Variants in USP33 observed in about 807,000 individuals in gnomAD.
USP33 encodes the protein ubiquitin carboxyl-terminal hydrolase 33.
A neutral mutation model predicts 124.2 loss-of-function variants in USP33; 46 were observed. The ratio of observed to expected loss-of-function variants is 0.37; its 90% CI spans 0.29 to 0.47. The LOEUF (loss-of-function observed/expected upper bound fraction) is 0.47. USP33 is among the 20% of genes least tolerant of loss of function. USP33 has a pLI of 0.99. For missense variants in USP33, 851 were observed against 1,070.6 expected (o/e 0.79, Z 2.86); for synonymous variants, 350 against 352.3 (o/e 0.99, Z 0.07).
intron 21 of USP33, among the ~76,000 whole-genome samples, chr1:77,706,828 G>T (rs1260691717): frequency 6.6e-6 from 1 of 152,184 alleles, no homozygotes; most frequent in Non-Finnish European, 1.5e-5. Context: ...TCAGGTAAAG[G>T]AAATAAGAGA....
intron 7 of USP33, among the ~76,000 whole-genome samples, chr1:77,733,039 C>T (rs372361163): frequency 1.3e-5 from 2 of 151,774 alleles, no homozygotes; most frequent in Admixed American, 6.6e-5. Context: ...ATGATCCACC[C>T]GCCTCAGCCT....
intron 1 of USP33, among the ~76,000 whole-genome samples, chr1:77,746,882 AAAT>A (rs1239272658): frequency 6.6e-6 from 1 of 152,224 alleles, no homozygotes; most frequent in Non-Finnish European, 1.5e-5. Context: ...ACATATCTCA[AAAT>A]AATAAGAGCT....
intron 17 of USP33, 142 bp from the exon 18 acceptor site, chr1:77,716,010 G>A (rs1326466424): frequency 1.1e-5 from 9 of 850,588 alleles, no homozygotes; most frequent in Admixed American, 6.4e-5. Context: ...CAGTTTGCAC[G>A]CTTGCCACCA....
At chr1:77,720,467 A>G in intron 15 of USP33, 1 of 985,428 alleles carries the variant, frequency 1.0e-6, no homozygotes, top group Non-Finnish European at 1.2e-6. Context: ...TATCAACCAA[A>G]TAGTATACCA....
chr1:77,700,176 T>C (rs1024323013), intron 22 of USP33, among the ~76,000 whole-genome samples: 1 of 152,182 alleles, frequency 6.6e-6, no homozygotes, highest in Non-Finnish European at 1.5e-5. Flanking sequence ...AACCTGCACA[T>C]CCTGCACATG....
intron 7 of USP33, among the ~76,000 whole-genome samples, chr1:77,732,789 CTTTTT>C (rs939934675): frequency 1.9e-5 from 2 of 104,892 alleles, no homozygotes; most frequent in South Asian, 3.0e-4. Flanking sequence ...AATGTCTCTT[CTTTTT>C]TTTTTTTTTT....
At chr1:77,759,347 C>T (rs1681108500) in intron 1 of USP33, 4 of 369,274 alleles carry the variant, frequency 1.1e-5, no homozygotes, top group Non-Finnish European at 1.9e-5. Flanking sequence ...CTCGGGCTCA[C>T]CTGCACCTCC....
Position 77,749,387 on chromosome 1 carries a change from G to GT in USP33, c.-51-7640dup, listed in dbSNP as rs61184612. ...TTTTTTTATGTTTTTTGTTTTGTTT[G>GT]TTTTTTTTTTTGGAGACGGAGTCTC... On this transcript the variant is annotated intron_variant, in intron 1 of 23. Transcript: ENST00000370794. 4.7e-3 allele frequency among the ~76,000 whole-genome samples: 674 copies of GT among 143,834 alleles called. 7 individuals are homozygous for GT. Among genetic ancestry groups the GT allele is most frequent in the Admixed American group, 0.028 (403 of 14,378 alleles). 94.4% of individuals were successfully genotyped at this position (143,834 alleles called of 152,430 possible).
chr1:77,755,209 T>C (rs1457586453), intron 1 of USP33, among the ~76,000 whole-genome samples: 1 of 151,956 alleles, frequency 6.6e-6, no homozygotes, highest in Non-Finnish European at 1.5e-5. Context: ...AAAACCTAAA[T>C]CTTCAGTTCA....
chr1:77,702,484 T>C (rs1446899707), intron 21 of USP33, among the ~76,000 whole-genome samples: 1 of 152,210 alleles, frequency 6.6e-6, no homozygotes, highest in East Asian at 1.9e-4. Context: ...CTTGTACATG[T>C]CATTTCACAA....
intron 9 of USP33, among the ~76,000 whole-genome samples, chr1:77,729,532 G>C (rs757130778): frequency 6.6e-6 from 1 of 152,012 alleles, no homozygotes; most frequent in African/African-American, 2.4e-5. Context: ...TTAGCTGGGC[G>C]TGGTGGCACA....
chr1:77,732,789 C>CTTTTTTTT (rs939934675), intron 7 of USP33, among the ~76,000 whole-genome samples: 3 of 104,898 alleles, frequency 2.9e-5, no homozygotes, highest in Admixed American at 1.0e-4. Context: ...AATGTCTCTT[C>CTTTTTTTT]TTTTTTTTTT....
At chr1:77,735,407 C>G (rs964653012) in intron 6 of USP33, among the ~76,000 whole-genome samples, 1 of 152,130 alleles carries the variant, frequency 6.6e-6, no homozygotes, top group Non-Finnish European at 1.5e-5. Flanking sequence ...TGAATTACCA[C>G]TTATTGATAA....
At chr1:77,750,752 G>A (rs1045248455) in intron 1 of USP33, among the ~76,000 whole-genome samples, 10 of 152,186 alleles carry the variant, frequency 6.6e-5, no homozygotes, top group Admixed American at 3.9e-4. Flanking sequence ...TTAGTATCCC[G>A]TATAATACAA....
intron 1 of USP33, among the ~76,000 whole-genome samples, chr1:77,756,274 C>T (rs568076652): frequency 2.0e-5 from 3 of 152,140 alleles, no homozygotes; most frequent in East Asian, 3.9e-4. Context: ...TTTCTAAATT[C>T]GGCATTTTTT....
intron 19 of USP33, among the ~76,000 whole-genome samples, 163 bp downstream of exon 19, chr1:77,714,451 G>T (rs1361263542): frequency 6.6e-6 from 1 of 152,166 alleles, no homozygotes; most frequent in Non-Finnish European, 1.5e-5. Flanking sequence ...CAATTAAAAA[G>T]GAAGGGTGAA....
chr1:77,714,534 G>T, intron 19 of USP33, 80 bp downstream of exon 19: 1 of 1,430,814 alleles, frequency 7.0e-7, no homozygotes, highest in Non-Finnish European at 9.5e-7. Flanking sequence ...AAGTGGGAGA[G>T]GAAAATTCTT....
Position 77,725,667 on chromosome 1 carries a change from T to C in USP33, c.1231A>G (p.Lys411Glu). 1 of 1,614,174 alleles carries C rather than the reference T, an allele frequency of 6.2e-7. No individual in the cohort carries two copies. The highest frequency in any genetic ancestry group is 8.5e-7 in the Non-Finnish European group (1 of 1,180,022). Reference sequence around the variant, plus strand: ...AATCCTGGCCACAAATTGCCTGATTTAGGAGGGCTTGCCGATAAACGTGGA... The same window carrying C: ...AATCCTGGCCACAAATTGCCTGATTCAGGAGGGCTTGCCGATAAACGTGGA... ...VNPRLSASPPKSGNLWPGLAP... is the reference protein window; with the variant it reads ...VNPRLSASPPESGNLWPGLAP... Residue 411 changes from lysine to glutamate, a missense_variant, in exon 11 of 24, where the codon AAA (lysine) becomes GAA (glutamate). This residue lies in a region of USP33 where 207 missense variants were observed against 200.9 expected (regional missense o/e 1.03). Coordinates refer to ENST00000370794, the MANE Select transcript of USP33 (RefSeq NM_201624.3).
intron 10 of USP33, among the ~76,000 whole-genome samples, chr1:77,727,794 C>A (rs1039908381): frequency 6.6e-6 from 1 of 152,170 alleles, no homozygotes; most frequent in Non-Finnish European, 1.5e-5. Context: ...ATTCAACTTT[C>A]ATTTGGCCAC....
Sources: gnomAD v4.1 joint callset for allele counts (sites outside exome capture counted in the v4.1 genomes callset) on GRCh38, gnomAD v4.1.1 for gene constraint, gnomAD v4.1.1 regional missense constraint, MANE v1.5 for transcripts, NCBI Gene and HGNC (gene_info 2026-07-23, HGNC 2026-07-21) for gene names.